Variants in TMEM198 observed in about 807,000 individuals in gnomAD.
TMEM198 encodes the protein transmembrane protein 198.
In TMEM198, 21 loss-of-function variants were observed where a neutral mutation model predicts 31.5. The observed-to-expected ratio is 0.67, with a 90% CI of 0.47 to 0.96. The LOEUF (loss-of-function observed/expected upper bound fraction) is 0.96, where lower values mean the gene tolerates loss of function less well. TMEM198 is among the 40% of genes least tolerant of loss of function. The probability of loss-of-function intolerance (pLI) is 0.00; values close to 1 mark genes in which losing one functional copy is unlikely to be tolerated. For synonymous variants in TMEM198, 211 were observed against 223.3 expected (o/e 0.95, Z 0.49); for missense variants, 447 against 499.4 (o/e 0.89, Z 1.00).
chr2:219,549,071 C>G, intron 3 of TMEM198, 81 bp from the exon 4 acceptor site: 1 of 1,514,454 alleles, frequency 6.6e-7, no homozygotes, highest in South Asian at 1.2e-5. Context: ...CCTAGAGCCA[C>G]AGGTGGGATG....
At chr2:219,544,559 T>C in intron 1 of TMEM198, 130 bp from the exon 2 acceptor site, 1 of 735,198 alleles carries the variant, frequency 1.4e-6, no homozygotes, top group Non-Finnish European at 2.2e-6. Context: ...CAGAGATGCT[T>C]CCGGAGCTGC....
At chr2:219,545,255 T>C (rs1695367653) in intron 2 of TMEM198, among the ~76,000 whole-genome samples, 2 of 152,244 alleles carry the variant, frequency 1.3e-5, no homozygotes, top group South Asian at 4.1e-4. Flanking sequence ...TGTGTTTGGC[T>C]AACTGTGCTA....
At chr2:219,543,754 C>A, upstream of TMEM198, 2 of 456,102 alleles carry the variant, frequency 4.4e-6, no homozygotes, top group Non-Finnish European at 7.7e-6. Flanking sequence ...GCGCAGGGTT[C>A]TTGCGCTCGG....
At chr2:219,545,233 C>T (rs1286312274) in intron 2 of TMEM198, among the ~76,000 whole-genome samples, 1 of 152,190 alleles carries the variant, frequency 6.6e-6, no homozygotes, top group Admixed American at 6.5e-5. Context: ...TAAATTGTAG[C>T]TATTGTGAGG....
At position 219,544,739 on chromosome 2, in the gene TMEM198, T is replaced by C; in HGVS notation, c.12T>C (p.Thr4=). 6.2e-7 allele frequency: 1 copy of C among 1,613,916 alleles called. No individual in the cohort carries two copies. The change falls in exon 2 of 5, where the codon ACT becomes ACC. Residue 4 remains threonine (T), a synonymous_variant. Transcript: ENST00000373883. ...CTATTCCCAGCACTATGCCGGGGAC[T>C]GTGGCAACACTGCGGTTCCAGCTGC... MPG[T]VATLRFQLLP...
At position 219,547,975 on chromosome 2, in the gene TMEM198, A is replaced by C. The variant is rs375371532; in HGVS notation, c.636A>C (p.Pro212=). 1 of 1,587,236 alleles carries C rather than the reference A, an allele frequency of 6.3e-7. No homozygotes were observed. The highest frequency in any genetic ancestry group is 2.3e-5 in the East Asian group (1 of 43,896). ...GACTCCGGGCTGCTCCTGTGCCCCCACTCTGCTGGCGAAGCTGGGCCCTGC... is the reference window on the plus strand; with the variant it reads ...GACTCCGGGCTGCTCCTGTGCCCCCCCTCTGCTGGCGAAGCTGGGCCCTGC... The part of the protein sequence containing the change: ...VERLRAAPVP[P]LCWRSWALLA... The change falls in exon 3 of 5, where the codon CCA becomes CCC. Residue 212 remains proline (P), a synonymous_variant. Transcript: ENST00000373883.
At position 219,549,866 on chromosome 2, in the gene TMEM198, T is replaced by C; in HGVS notation, c.*12T>C. On this transcript the variant is annotated 3_prime_UTR_variant, in exon 5 of 5. Transcript: ENST00000373883. ...CAGTGCGGGTATAGCCATATCTGTC[T>C]GTCTAGACTCTGCAGTCACCAGCTC... The C allele has an allele frequency of 1.2e-6, 2 of 1,607,986 alleles. No individual in the cohort carries two copies. The highest frequency in any genetic ancestry group is 1.7e-6 in the Non-Finnish European group (2 of 1,175,084).
rs868832062 is a variant in TMEM198 at position 219,548,022 on chromosome 2, G to T, written c.683G>T (p.Ser228Ile). ...WALLALWPLL[S>I]LMGVLVQWRV... is the part of the protein sequence containing the mutation. ...CTGCTGGCACTCTGGCCCCTGCTCA[G>T]CCTGATGGGCGTTCTGGTGCAGTGG... is the stretch of plus-strand genomic sequence containing the variant. Residue 228 changes from serine to isoleucine, a missense_variant, in exon 3 of 5, where the codon AGC becomes ATC. Ser to Ile is a moderately radical substitution (Grantham distance 142). Transcript: ENST00000373883. 1 of 1,589,778 alleles carries T rather than the reference G, an allele frequency of 6.3e-7. No individual in the cohort carries two copies.
At chr2:219,548,289 T>C (rs1695437231) in intron 3 of TMEM198, among the ~76,000 whole-genome samples, 1 of 152,212 alleles carries the variant, frequency 6.6e-6, no homozygotes, top group African/African-American at 2.4e-5. Flanking sequence ...CCAACCCCAT[T>C]CCAGGCACCA....
At chr2:219,549,395 T>A in intron 4 of TMEM198, 41 bp downstream of exon 4, 1 of 1,585,984 alleles carries the variant, frequency 6.3e-7, no homozygotes, top group Admixed American at 1.8e-5. Context: ...GAGAAGGAAG[T>A]GTGGAAACTC....
intron 4 of TMEM198, among the ~76,000 whole-genome samples, 173 bp from the exon 5 acceptor site, chr2:219,549,544 G>C (rs537706847): frequency 1.3e-5 from 2 of 152,314 alleles, no homozygotes; most frequent in South Asian, 4.2e-4. Flanking sequence ...TTGGGGGAAA[G>C]GTTCCTGAGT....
At chr2:219,544,926 C>T in intron 2 of TMEM198, 33 bp downstream of exon 2, 1 of 1,602,476 alleles carries the variant, frequency 6.2e-7, no homozygotes, top group Non-Finnish European at 8.5e-7. Context: ...CACCTGGGCT[C>T]CCCAGTGTTT....
chr2:219,544,614 C>A, intron 1 of TMEM198, 75 bp from the exon 2 acceptor site: 2 of 1,258,544 alleles, frequency 1.6e-6, no homozygotes, highest in Non-Finnish European at 2.2e-6. Context: ...TTGCTGAGTT[C>A]TCCCAATCCC....
intron 2 of TMEM198, 55 bp from the exon 3 acceptor site, chr2:219,547,451 C>T: frequency 2.2e-6 from 3 of 1,358,654 alleles, no homozygotes; most frequent in South Asian, 2.3e-5. Context: ...TGGACCTGCT[C>T]CCTCCAGCCT....
At chr2:219,543,797 G>A (rs1034641429), upstream of TMEM198, 10 of 453,814 alleles carry the variant, frequency 2.2e-5, no homozygotes, top group Non-Finnish European at 3.9e-5. Flanking sequence ...GCAGCTGTCC[G>A]ACGTGTCACT....
chr2:219,546,183 G>C (rs1695385079), intron 2 of TMEM198, among the ~76,000 whole-genome samples: 1 of 152,068 alleles, frequency 6.6e-6, no homozygotes, highest in African/African-American at 2.4e-5. Context: ...TCCTGGAAGT[G>C]ACTCTCCTCT....
At chr2:219,545,050 T>C (rs1355376704) in intron 2 of TMEM198, among the ~76,000 whole-genome samples, 157 bp downstream of exon 2, 1 of 152,248 alleles carries the variant, frequency 6.6e-6, no homozygotes, top group Non-Finnish European at 1.5e-5. Context: ...CTCTAGATTA[T>C]AGGAAAAACA....
chr2:219,545,959 C>T (rs559721302), intron 2 of TMEM198, among the ~76,000 whole-genome samples: 2 of 152,280 alleles, frequency 1.3e-5, no homozygotes, highest in Admixed American at 6.5e-5. Flanking sequence ...CGTTCTGGGC[C>T]TCCAAGGATT....
rs758449324 is a variant in TMEM198 at position 219,547,986 on chromosome 2, G to A, written c.647G>A (p.Arg216Gln). ...RAAPVPPLCW[R>Q]SWALLALWPL... ...GCTCCTGTGCCCCCACTCTGCTGGC[G>A]AAGCTGGGCCCTGCTGGCACTCTGG... Residue 216 changes from arginine (R) to glutamine (Q), a missense_variant, in exon 3 of 5, where the codon CGA (arginine) becomes CAA (glutamine). Arg to Gln is a conservative substitution (Grantham distance 43). Coordinates refer to ENST00000373883, the MANE Select transcript of TMEM198 (RefSeq NM_001005209.3). 5 of 1,587,030 alleles carry A rather than the reference G, an allele frequency of 3.2e-6. No homozygotes were observed. In the South Asian group the frequency reaches 3.4e-5, roughly 11 times the overall value.
Sources: allele counts gnomAD v4.1 joint callset (sites outside exome capture counted in the v4.1 genomes callset), GRCh38; gene constraint gnomAD v4.1.1; transcripts MANE v1.5; gene names NCBI Gene and HGNC (gene_info 2026-07-23, HGNC 2026-07-21).